The following ZDHHC14 variants were observed in gnomAD, a reference collection of about 807,000 sequenced individuals.
ZDHHC14 encodes the protein palmitoyltransferase ZDHHC14.
ZDHHC14 carries 16 observed loss-of-function variants against 47.7 expected under a neutral mutation model. The ratio of observed to expected loss-of-function variants is 0.34; its 90% CI spans 0.23 to 0.51. The LOEUF (loss-of-function observed/expected upper bound fraction) is 0.51, where lower values mean the gene tolerates loss of function less well. Ranked by LOEUF, ZDHHC14 falls within the 20% of genes least tolerant of loss-of-function variation. The probability of loss-of-function intolerance (pLI) is 0.97; values close to 1 mark genes in which losing one functional copy is unlikely to be tolerated. For missense variants in ZDHHC14, 515 were observed against 662.5 expected (o/e 0.78, Z 2.44); for synonymous variants, 293 against 278.9 (o/e 1.05, Z -0.50).
At chr6:157,617,889 A>T (rs897293617) in intron 3 of ZDHHC14, among the ~76,000 whole-genome samples, 3 of 152,162 alleles carry the variant, frequency 2.0e-5, no homozygotes, top group African/African-American at 7.2e-5. Context: ...GTCACAGGGT[A>T]GAGATCGAGT....
At chr6:157,631,324 T>C (rs1474881105) in intron 4 of ZDHHC14, 1 of 152,252 alleles carries the variant, frequency 6.6e-6, no homozygotes, top group Non-Finnish European at 1.5e-5. Flanking sequence ...TGTTCATCTC[T>C]TCTTCTACAC....
chr6:157,443,494 G>C (rs1225778432), intron 1 of ZDHHC14, among the ~76,000 whole-genome samples: 2 of 152,110 alleles, frequency 1.3e-5, no homozygotes, highest in African/African-American at 4.8e-5. Flanking sequence ...TTAAGGGAAA[G>C]CACCGTGAGC....
At chr6:157,597,081 T>C (rs1343130420) in intron 3 of ZDHHC14, among the ~76,000 whole-genome samples, 1 of 152,218 alleles carries the variant, frequency 6.6e-6, no homozygotes, top group Non-Finnish European at 1.5e-5. Flanking sequence ...AGTCTTGCCA[T>C]CGCGTTCCTT....
intron 1 of ZDHHC14, among the ~76,000 whole-genome samples, chr6:157,467,303 C>G (rs978292047): frequency 1.3e-5 from 2 of 152,064 alleles, no homozygotes; most frequent in Non-Finnish European, 2.9e-5. Context: ...CCCATACCCA[C>G]CAACAGTTGC....
chr6:157,587,221 A>T (rs141740772), intron 2 of ZDHHC14, among the ~76,000 whole-genome samples: 7,689 of 152,256 alleles, frequency 0.051, 543 homozygotes, highest in African/African-American at 0.16. Context: ...TTCACAGCTG[A>T]CATTAGGATT....
chr6:157,542,963 G>A lies in ZDHHC14; in HGVS notation c.406+218G>A, dbSNP rs1276513355. 2.6e-5 allele frequency among the ~76,000 whole-genome samples: 4 copies of A among 152,260 alleles called. No individual in the cohort carries two copies. In the South Asian group the frequency reaches 8.3e-4, roughly 32 times the overall value. On this transcript the variant is annotated intron_variant, in intron 2 of 8. Transcript: ENST00000359775. ...AGGTATCCTGGAGGCAGGACTGCAG[G>A]CCCACTCGAGCAAAGCATCAGTGTG...
At chr6:157,662,333 C>T (rs970509263) in intron 8 of ZDHHC14, among the ~76,000 whole-genome samples, 1 of 152,188 alleles carries the variant, frequency 6.6e-6, no homozygotes, top group Non-Finnish European at 1.5e-5. Context: ...AGGTGCGCGC[C>T]ATCATGCCTG....
chr6:157,389,562 C>A (rs1361055506), intron 1 of ZDHHC14, among the ~76,000 whole-genome samples: 2 of 152,122 alleles, frequency 1.3e-5, no homozygotes, highest in Non-Finnish European at 2.9e-5. Context: ...CTCTTTTCCA[C>A]CTTTTGGCTT....
intron 1 of ZDHHC14, among the ~76,000 whole-genome samples, chr6:157,480,816 C>T (rs916279909): frequency 2.7e-5 from 4 of 147,650 alleles, no homozygotes; most frequent in African/African-American, 4.9e-5. Flanking sequence ...AATGTTTGAA[C>T]GGGCATCCTC....
chr6:157,528,528 G>A (rs570796088), intron 1 of ZDHHC14, among the ~76,000 whole-genome samples: 5 of 152,046 alleles, frequency 3.3e-5, no homozygotes, highest in South Asian at 2.1e-4. Flanking sequence ...TCAGGAGATC[G>A]AGACCATCCT....
intron 1 of ZDHHC14, among the ~76,000 whole-genome samples, chr6:157,422,152 G>T (rs1401514072): frequency 6.6e-6 from 1 of 152,108 alleles, no homozygotes. Context: ...AGCATTTCCA[G>T]GCATCTGGAG....
chr6:157,637,311 C>T (rs1292095910), intron 5 of ZDHHC14, among the ~76,000 whole-genome samples: 2 of 152,120 alleles, frequency 1.3e-5, no homozygotes, highest in Non-Finnish European at 2.9e-5. Context: ...CCCGCAGAAG[C>T]CCTGGATCAC....
intron 1 of ZDHHC14, among the ~76,000 whole-genome samples, chr6:157,542,138 C>T (rs138611238): frequency 0.013 from 1,994 of 152,250 alleles, 41 homozygotes; most frequent in African/African-American, 0.044. Context: ...AGTCATTTGA[C>T]CCAAGTGGGA....
chr6:157,549,023 G>A (rs1782105307), intron 2 of ZDHHC14, among the ~76,000 whole-genome samples: 5 of 152,346 alleles, frequency 3.3e-5, no homozygotes, highest in African/African-American at 1.2e-4. Flanking sequence ...GTGCTTGGGA[G>A]GAAAGGGGTT....
rs1430069417 is a variant in ZDHHC14 at position 157,504,621 on chromosome 6, A to ATTT, written c.246-37964_246-37963insTTT. On this transcript the variant is annotated intron_variant, in intron 1 of 8. Transcript: ENST00000359775. ...AGATGGGGTTTCACCACGTTGGCCAAGCTGGTCTTGAACTCCTGACCTCAG... is the reference window on the plus strand; with the variant it reads ...AGATGGGGTTTCACCACGTTGGCCAATTTGCTGGTCTTGAACTCCTGACCTCAG... Among the ~76,000 whole-genome samples the ATTT allele has an allele frequency of 2.2e-4, 30 of 139,468 alleles. No homozygotes were observed. In the South Asian group the frequency reaches 6.6e-3, roughly 31 times the overall value. 91.5% of individuals were successfully genotyped at this position (139,468 alleles called of 152,430 possible). A position where few individuals can be genotyped will look rare whatever the true frequency, so the allele number is the denominator to read the frequency against.
At chr6:157,634,100 A>G (rs34781565) in intron 5 of ZDHHC14, among the ~76,000 whole-genome samples, 2,234 of 152,304 alleles carry the variant, frequency 0.015, 25 homozygotes, top group Non-Finnish European at 0.021. Context: ...ATGTGATCCT[A>G]TAAATATAAA....
At chr6:157,604,073 G>A (rs754672339) in intron 3 of ZDHHC14, among the ~76,000 whole-genome samples, 3 of 152,112 alleles carry the variant, frequency 2.0e-5, no homozygotes, top group Non-Finnish European at 2.9e-5. Context: ...GATGGCTTGA[G>A]CCCAGGAGTT....
chr6:157,505,947 T>C (rs1780316882), intron 1 of ZDHHC14, among the ~76,000 whole-genome samples: 1 of 152,222 alleles, frequency 6.6e-6, no homozygotes, highest in African/African-American at 2.4e-5. Context: ...GTCAATGAGA[T>C]CAGGGCCTGT....
At chr6:157,618,949 T>C (rs1326485721) in intron 3 of ZDHHC14, among the ~76,000 whole-genome samples, 3 of 152,184 alleles carry the variant, frequency 2.0e-5, no homozygotes, top group East Asian at 1.9e-4. Context: ...TTCACCTTCT[T>C]CCTCACTCGC....
Sources: gnomAD v4.1 joint callset for allele counts (sites outside exome capture counted in the v4.1 genomes callset) on GRCh38, gnomAD v4.1.1 for gene constraint, MANE v1.5 for transcripts, NCBI Gene and HGNC (gene_info 2026-07-23, HGNC 2026-07-21) for gene names.